The following GK5 variants were observed in gnomAD, a reference collection of about 807,000 sequenced individuals.
The protein encoded by GK5 is glycerol kinase 5, also known as ATP:glycerol 3-phosphotransferase 5.
Under a neutral mutation model 77.3 loss-of-function variants are expected in GK5, and 39 were observed. That is an observed-to-expected ratio of 0.50 (90% CI 0.39 to 0.66). The LOEUF is 0.66. Ranked by LOEUF, GK5 falls within the 30% of genes least tolerant of loss-of-function variation. The pLI, the probability that GK5 is intolerant of heterozygous loss-of-function variation, is 0.00. For synonymous variants in GK5, 211 were observed against 208.0 expected (o/e 1.01, Z -0.13); for missense variants, 487 against 633.8 (o/e 0.77, Z 2.49).
chr3:142,170,567 C>T, intron 14 of GK5, 109 bp from the exon 15 acceptor site: 1 of 882,078 alleles, frequency 1.1e-6, no homozygotes, highest in South Asian at 1.9e-5. Flanking sequence ...ATAAATTTTA[C>T]TTTTTAATTC....
At chr3:142,218,076 C>G (rs2064296783) in intron 1 of GK5, among the ~76,000 whole-genome samples, 1 of 152,102 alleles carries the variant, frequency 6.6e-6, no homozygotes, top group Non-Finnish European at 1.5e-5. Context: ...GGCATAAAAA[C>G]TGACACATAG....
chr3:142,218,946 A>G (rs1348528481), intron 1 of GK5, among the ~76,000 whole-genome samples: 1 of 152,222 alleles, frequency 6.6e-6, no homozygotes, highest in Non-Finnish European at 1.5e-5. Flanking sequence ...GACTTCAAGC[A>G]CTCCACTAAA....
chr3:142,186,421 T>G, intron 7 of GK5, 31 bp downstream of exon 7: 1 of 1,261,234 alleles, frequency 7.9e-7, no homozygotes, highest in Admixed American at 2.4e-5. Flanking sequence ...CAAAAATGTG[T>G]GATTCAAAAA....
At chr3:142,182,493 G>A (rs992897268) in intron 10 of GK5, among the ~76,000 whole-genome samples, 7 of 151,782 alleles carry the variant, frequency 4.6e-5, no homozygotes, top group East Asian at 1.9e-4. Context: ...TACAGGTGCC[G>A]GACACCATGC....
At position 142,182,996 on chromosome 3, in the gene GK5, A is replaced by G; in HGVS notation, c.870T>C (p.Asp290=). ...MFGECCFQTG[D]VKLTMGTGTF... is the part of the protein sequence containing the mutation. ...TCCCAGTTCCCATGGTTAATTTCAC[A>G]TCACCTGTCTGGAAGCAGCACTCTC... Residue 290 remains aspartate (D), a synonymous_variant, in exon 10 of 16, where the codon GAT becomes GAC. Transcript: ENST00000392993. 2 of 1,613,544 alleles carry G rather than the reference A, an allele frequency of 1.2e-6. No homozygotes were observed. Among genetic ancestry groups the G allele is most frequent in the Non-Finnish European group, 1.7e-6 (2 of 1,179,464 alleles).
At position 142,158,768 on chromosome 3, in the gene GK5, G is replaced by A. The variant is rs57043313; in HGVS notation, c.*6854C>T. The A allele has an allele frequency of 0.12, 18,888 of 152,398 alleles. 1,421 individuals carry two copies. Among genetic ancestry groups the A allele is most frequent in the African/African-American group, 0.21 (8,647 of 41,438 alleles). 9.4% of individuals were successfully genotyped at this position (152,398 alleles called of 1,614,324 possible). ...CTGAAACCTTTACACAAATCAGCCT[G>A]CTTTAAATAAAAAGGTTAGAAACAT... On this transcript the variant is annotated 3_prime_UTR_variant, in exon 16 of 16. Coordinates refer to ENST00000392993, the MANE Select transcript of GK5 (RefSeq NM_001039547.3).
rs1368368960 is a variant in GK5 at position 142,172,034 on chromosome 3, T to G, written c.1247+319A>C. 2.6e-5 allele frequency among the ~76,000 whole-genome samples: 4 copies of G among 152,176 alleles called. No homozygotes were observed. In the East Asian group the frequency reaches 5.8e-4, roughly 22 times the overall value. ...ACAGAAGCATTATTACTTGGAATTA[T>G]CTTTCATGAATAAGGATACTAAACC... On this transcript the variant is annotated intron_variant, in intron 13 of 15. Coordinates refer to ENST00000392993, the MANE Select transcript of GK5 (RefSeq NM_001039547.3).
intron 3 of GK5, 98 bp downstream of exon 3, chr3:142,213,428 C>T (rs1435982111): frequency 1.3e-6 from 1 of 792,772 alleles, no homozygotes; most frequent in African/African-American, 1.7e-5. Context: ...AAACTATTCT[C>T]AATTCAGAAA....
chr3:142,179,686 C>T (rs536989064), intron 11 of GK5, among the ~76,000 whole-genome samples: 1 of 152,300 alleles, frequency 6.6e-6, no homozygotes, highest in East Asian at 1.9e-4. Context: ...TCACATTCCT[C>T]ACTGTTTGTT....
intron 12 of GK5, among the ~76,000 whole-genome samples, chr3:142,174,752 G>A (rs555481775): frequency 2.6e-5 from 4 of 152,042 alleles, no homozygotes; most frequent in Non-Finnish European, 5.9e-5. Context: ...CAACTGCAGA[G>A]GGTGAGTACA....
intron 1 of GK5, among the ~76,000 whole-genome samples, chr3:142,221,732 T>C (rs1233788312): frequency 6.6e-6 from 1 of 152,186 alleles, no homozygotes; most frequent in African/African-American, 2.4e-5. Flanking sequence ...AAATATCAAA[T>C]GTTCATATGT....
intron 11 of GK5, among the ~76,000 whole-genome samples, chr3:142,179,559 T>G (rs1325781062): frequency 6.6e-6 from 1 of 152,220 alleles, no homozygotes; most frequent in East Asian, 1.9e-4. Flanking sequence ...TTAATGAATC[T>G]TGTCCAAATG....
chr3:142,210,470 G>A (rs1466295298), intron 3 of GK5, among the ~76,000 whole-genome samples: 1 of 152,026 alleles, frequency 6.6e-6, no homozygotes. Flanking sequence ...ACACCACATT[G>A]GCTCCCTGGG....
At position 142,170,341 on chromosome 3, in the gene GK5, T is replaced by G; in HGVS notation, c.1425A>C (p.Leu475=). 2 of 1,614,084 alleles carry G rather than the reference T, an allele frequency of 1.2e-6. No homozygotes were observed. Among genetic ancestry groups the G allele is most frequent in the South Asian group, 2.2e-5 (2 of 91,088 alleles). Reference sequence around the variant, plus strand: ...CACACATACCAACAGCAAGGCCAGCTAGAGAAGCTGCACCCAGGCATGACA... The same window carrying G: ...CACACATACCAACAGCAAGGCCAGCGAGAGAAGCTGCACCCAGGCATGACA... ...IDMSCLGAAS[L]AGLAVGFWTD... is the part of the protein sequence containing the mutation. The change falls in exon 15 of 16, where the codon CTA becomes CTC. Residue 475 remains leucine, a synonymous_variant. Coordinates refer to ENST00000392993, the MANE Select transcript of GK5 (RefSeq NM_001039547.3).
chr3:142,200,965 T>C (rs2064012244), intron 4 of GK5, among the ~76,000 whole-genome samples: 1 of 152,212 alleles, frequency 6.6e-6, no homozygotes. Context: ...GTAAAATGAA[T>C]CATTATTTAA....
chr3:142,186,011 AAGTT>A lies in GK5; in HGVS notation c.756-26_756-23del, dbSNP rs144056670. ...GTGGCTTCAAATAAAATTCATTAAA[AAGTT>A]AGTTACAGCTCTAGAAATATTAGTT... On this transcript the variant is annotated intron_variant, in intron 8 of 15. Coordinates refer to ENST00000392993, the MANE Select transcript of GK5 (RefSeq NM_001039547.3). 650 of 1,568,274 alleles carry A rather than the reference AAGTT, an allele frequency of 4.1e-4. 2 individuals carry two copies. In the African/African-American group the frequency reaches 8.2e-3, roughly 20 times the overall value.
In GK5 at chr3:142,173,683, C is replaced by CAAAACAAAAACA. The variant is rs71153944; in HGVS notation, c.1144-1239_1144-1228dup. On this transcript the variant is annotated intron_variant, in intron 12 of 15. Coordinates refer to ENST00000392993, the MANE Select transcript of GK5 (RefSeq NM_001039547.3). Reference sequence around the variant, plus strand: ...TGGGCAACAGAGCAAGACTCCGTCTCAAAACAAAAACAAAAACAAAAACAA... The same window carrying CAAAACAAAAACA: ...TGGGCAACAGAGCAAGACTCCGTCTCAAAACAAAAACAAAAACAAAAACAAAAACAAAAACAA... 1.6e-3 allele frequency among the ~76,000 whole-genome samples: 237 copies of CAAAACAAAAACA among 150,026 alleles called. 1 individual carries two copies. Among genetic ancestry groups the CAAAACAAAAACA allele is most frequent in the African/African-American group, 4.9e-3 (200 of 40,570 alleles).
chr3:142,182,573 T>C (rs2063711969), intron 10 of GK5, among the ~76,000 whole-genome samples: 2 of 152,154 alleles, frequency 1.3e-5, no homozygotes, highest in African/African-American at 4.8e-5. Flanking sequence ...GGTCTCGAAC[T>C]CCTGACCTAG....
intron 1 of GK5, among the ~76,000 whole-genome samples, chr3:142,217,207 G>A (rs915738600): frequency 6.6e-6 from 1 of 152,162 alleles, no homozygotes; most frequent in African/African-American, 2.4e-5. Context: ...TGGAAAGACA[G>A]TCTCAGCAAC....
Sources: allele counts gnomAD v4.1 joint callset (sites outside exome capture counted in the v4.1 genomes callset), GRCh38; gene constraint gnomAD v4.1.1; transcripts MANE v1.5; gene names NCBI Gene and HGNC (gene_info 2026-07-23, HGNC 2026-07-21).